The following DEK variants were observed in gnomAD, a reference collection of about 807,000 sequenced individuals.
DEK encodes the protein DEK proto-oncogene.
DEK carries 28 observed loss-of-function variants against 46.8 expected under a neutral mutation model. The observed-to-expected ratio is 0.60, with a 90% CI of 0.44 to 0.82. The LOEUF (loss-of-function observed/expected upper bound fraction) is 0.82, where lower values mean the gene tolerates loss of function less well. DEK is among the 40% of genes least tolerant of loss of function. DEK has a pLI of 0.00. For missense variants in DEK, 416 were observed against 430.6 expected, an observed-to-expected ratio of 0.97 and a Z score of 0.30; for synonymous variants, 160 against 144.5, an observed-to-expected ratio of 1.11 and a Z score of -0.77.
chr6:18,230,618 A>G (rs1790372242), intron 9 of DEK, among the ~76,000 whole-genome samples: 2 of 152,220 alleles, frequency 1.3e-5, no homozygotes, highest in Admixed American at 6.5e-5. Context: ...ACAAAGATCA[A>G]AAGAGACAAA....
At chr6:18,227,188 A>G (rs1331476179) in intron 9 of DEK, among the ~76,000 whole-genome samples, 1 of 152,066 alleles carries the variant, frequency 6.6e-6, no homozygotes, top group East Asian at 1.9e-4. Flanking sequence ...GGGTTAGTAT[A>G]AGAGGAAGGA....
intron 9 of DEK, among the ~76,000 whole-genome samples, chr6:18,233,517 C>A (rs186602619): frequency 0.03 from 4,614 of 152,046 alleles, 240 homozygotes; most frequent in African/African-American, 0.1. Flanking sequence ...ATCAAACAAC[C>A]CCATCAAAAA....
chr6:18,257,717 A>C (rs1417031759), intron 4 of DEK, among the ~76,000 whole-genome samples: 3 of 151,960 alleles, frequency 2.0e-5, no homozygotes, highest in Non-Finnish European at 4.4e-5. Context: ...CCGTGTCTTA[A>C]AAGAAAGAAA....
At chr6:18,253,341 TG>T (rs1791473569) in intron 6 of DEK, among the ~76,000 whole-genome samples, 1 of 152,194 alleles carries the variant, frequency 6.6e-6, no homozygotes. Flanking sequence ...TGATTTCAAG[TG>T]GGAACTAGAA....
rs1400904839 is a variant in DEK, at chr6:18,225,107, CTT to C, written c.*610_*611del. On this transcript the variant is annotated 3_prime_UTR_variant, in exon 11 of 11. Transcript: ENST00000652689. ...GATCTGCACAAAAGAAATAAAAAAACTTTATATACAACCAATTGTTTTTTAAA... is the reference window on the plus strand; with the variant it reads ...GATCTGCACAAAAGAAATAAAAAAACTATATACAACCAATTGTTTTTTAAA... 1 of 214,882 alleles carries C rather than the reference CTT, an allele frequency of 4.7e-6. No homozygotes were observed. The allele number at this position is 214,882 out of a possible 1,614,324, so 13.3% of individuals were successfully genotyped here.
rs530010121 is a variant in DEK at position 18,245,765 on chromosome 6, G to A, written c.762+3886C>T. Among the ~76,000 whole-genome samples, 145 of 152,332 alleles carry A rather than the reference G, an allele frequency of 9.5e-4. 1 individual carries two copies. The highest frequency in any genetic ancestry group is 3.3e-3 in the African/African-American group (137 of 41,580). On this transcript the variant is annotated intron_variant, in intron 7 of 10. Transcript: ENST00000652689. ...TGACCAAATGTGGTTTAACCTCAAC[G>A]GCTCATTGATACGGTTTGGCTCTGT...
chr6:18,250,108 G>C (rs922308402), intron 6 of DEK, among the ~76,000 whole-genome samples: 14 of 152,138 alleles, frequency 9.2e-5, no homozygotes, highest in Non-Finnish European at 2.1e-4. Context: ...AGAAGCTCAA[G>C]ACACATTATG....
intron 2 of DEK, among the ~76,000 whole-genome samples, chr6:18,260,781 A>G (rs987476149): frequency 1.3e-5 from 2 of 152,032 alleles, no homozygotes; most frequent in Non-Finnish European, 2.9e-5. Flanking sequence ...CGGGCAGGTC[A>G]CTTGAGCTAA....
At chr6:18,256,502 A>T in intron 4 of DEK, 47 bp from the exon 5 acceptor site, 1 of 1,477,844 alleles carries the variant, frequency 6.8e-7, no homozygotes. Flanking sequence ...CCAGTAATGT[A>T]CACAAGAATA....
chr6:18,244,148 TGGG>T (rs1791009150), intron 7 of DEK, among the ~76,000 whole-genome samples: 1 of 152,078 alleles, frequency 6.6e-6, no homozygotes, highest in Admixed American at 6.6e-5. Flanking sequence ...TTTAACAAAA[TGGG>T]GGGAAAATTA....
At chr6:18,238,889 C>T (rs1470500632) in intron 7 of DEK, among the ~76,000 whole-genome samples, 2 of 152,212 alleles carry the variant, frequency 1.3e-5, no homozygotes, top group South Asian at 2.1e-4. Context: ...ATGTTTAACA[C>T]TCTTGATTCC....
Position 18,259,430 on chromosome 6 carries a change from A to AAAT in DEK, c.146-1026_146-1025insATT, listed in dbSNP as rs1561993198. Among the ~76,000 whole-genome samples the AAAT allele has an allele frequency of 1.4e-3, 131 of 96,846 alleles. 18 individuals are homozygous for AAAT. The highest frequency in any genetic ancestry group is 2.6e-3 in the Non-Finnish European group (110 of 42,168). 63.5% of individuals were successfully genotyped at this position (96,846 alleles called of 152,430 possible). A position where few individuals can be genotyped will look rare whatever the true frequency, so the allele number is the denominator to read the frequency against. ...AAAAAAAAAAAAAAAAAAAAAAAAA[A>AAAT]AAATCTAGAAAACAGGTAGCATATA... On this transcript the variant is annotated intron_variant, in intron 2 of 10. Transcript: ENST00000652689.
At chr6:18,230,920 AT>A (rs1229039482) in intron 9 of DEK, among the ~76,000 whole-genome samples, 1 of 152,318 alleles carries the variant, frequency 6.6e-6, no homozygotes, top group East Asian at 1.9e-4. Context: ...TCAACAGAAT[AT>A]ACATTCTTCT....
rs1791052393 is a variant in DEK, at chr6:18,245,145, A to G, written c.762+4506T>C. Reference sequence around the variant, plus strand: ...CATGTATATGGAGATCTCTGGTAAAAGGCATCCCATTCAGGGAAAAAAGCC... The same window carrying G: ...CATGTATATGGAGATCTCTGGTAAAGGGCATCCCATTCAGGGAAAAAAGCC... On this transcript the variant is annotated intron_variant, in intron 7 of 10. Transcript: ENST00000652689. Among the ~76,000 whole-genome samples, 5 of 152,242 alleles carry G rather than the reference A, an allele frequency of 3.3e-5. No homozygotes were observed. In the South Asian group the frequency reaches 1.0e-3, roughly 31 times the overall value.
chr6:18,261,600 AAAACAAAAACC>A (rs892186434), intron 2 of DEK, among the ~76,000 whole-genome samples: 56 of 150,496 alleles, frequency 3.7e-4, no homozygotes, highest in South Asian at 2.1e-3. Context: ...CAAACACAGA[AAAACAAAAACC>A]AAACAAAAAC....
chr6:18,257,342 G>A (rs1791642615), intron 4 of DEK, among the ~76,000 whole-genome samples: 1 of 152,104 alleles, frequency 6.6e-6, no homozygotes, highest in Non-Finnish European at 1.5e-5. Flanking sequence ...TACATTTAAA[G>A]GTCACTAAAA....
intron 7 of DEK, among the ~76,000 whole-genome samples, chr6:18,239,408 A>G (rs1282520919): frequency 6.8e-6 from 1 of 147,888 alleles, no homozygotes; most frequent in Non-Finnish European, 1.5e-5. Flanking sequence ...AGACTCAAAC[A>G]ATCCTCCCAC....
At position 18,263,900 on chromosome 6, in the gene DEK, C is replaced by A; in HGVS notation, c.88G>T (p.Glu30Ter). 6.2e-7 allele frequency: 1 copy of A among 1,612,648 alleles called. No individual in the cohort carries two copies. Among genetic ancestry groups the A allele is most frequent in the Non-Finnish European group, 8.5e-7 (1 of 1,179,360 alleles). ...EKEPEMPGPR[E>*]ESEEEEDEDD... The stretch of plus-strand genomic sequence containing the variant: ...TCGTCCTCTTCCTCCTCGCTCTCCT[C>A]TCTGGGACCGGGCATTTCGGGTTCT... Residue 30 changes from glutamate to a stop codon, truncating the protein, a stop_gained, in exon 2 of 11, where the codon GAG becomes TAG. Transcript: ENST00000652689. LOFTEE classifies it high-confidence loss of function.
Position 18,258,202 on chromosome 6 carries a change from A to G in DEK, c.247+102T>C, listed in dbSNP as rs550551713. ...GAGCAAATTAAATAAAATTATACCA[A>G]AAGTATAAAACACTACCTTGCTGAT... is the stretch of plus-strand genomic sequence containing the variant. On this transcript the variant is annotated intron_variant, in intron 3 of 10. Coordinates refer to ENST00000652689, the MANE Select transcript of DEK (RefSeq NM_003472.4). 7 of 1,151,268 alleles carry G rather than the reference A, an allele frequency of 6.1e-6. No homozygotes were observed. The African/African-American group carries it at 7.8e-5, about 13-fold the overall frequency. The allele number at this position is 1,151,268 out of a possible 1,614,324, so 71.3% of individuals were successfully genotyped here.
Sources: gnomAD v4.1 joint callset for allele counts (sites outside exome capture counted in the v4.1 genomes callset) on GRCh38, gnomAD v4.1.1 for gene constraint, MANE v1.5 for transcripts, NCBI Gene and HGNC (gene_info 2026-07-23, HGNC 2026-07-21) for gene names.